Variants in LSAMP observed in about 807,000 individuals in gnomAD.
LSAMP encodes the protein limbic system associated membrane protein, also known as limbic system-associated membrane protein.
Under a neutral mutation model 38.6 loss-of-function variants are expected in LSAMP, and 7 were observed. That is an observed-to-expected ratio of 0.18 (90% CI 0.10 to 0.34). The LOEUF (loss-of-function observed/expected upper bound fraction) is 0.34. Among genes scored for constraint, LSAMP ranks in the 10% least tolerant of loss-of-function variants. The pLI is 1.00. For synonymous variants in LSAMP, 154 were observed against 166.8 expected (o/e 0.92, Z 0.59); for missense variants, 313 against 420.0 (o/e 0.75, Z 2.23).
chr3:116,057,932 T>TACACACAC (rs535645480), intron 2 of LSAMP, among the ~76,000 whole-genome samples: 1 of 136,660 alleles, frequency 7.3e-6, no homozygotes, highest in Non-Finnish European at 1.6e-5. Context: ...ATATAGTAGC[T>TACACACAC]ACACACACAC....
At chr3:116,324,421 T>C (rs530456407) in intron 1 of LSAMP, among the ~76,000 whole-genome samples, 9 of 152,292 alleles carry the variant, frequency 5.9e-5, no homozygotes, top group Admixed American at 3.3e-4. Context: ...GAAGAACTAA[T>C]TGAGGATCTA....
intron 3 of LSAMP, among the ~76,000 whole-genome samples, chr3:115,867,614 A>T (rs1935898610): frequency 3.3e-5 from 5 of 152,078 alleles, no homozygotes; most frequent in Admixed American, 6.6e-5. Flanking sequence ...GGACACAGGA[A>T]AATCACAGAA....
intron 1 of LSAMP, among the ~76,000 whole-genome samples, chr3:116,130,109 A>G (rs1442691322): frequency 6.6e-6 from 1 of 152,216 alleles, no homozygotes; most frequent in East Asian, 1.9e-4. Context: ...ATTCTGGGTA[A>G]TTGTGCTGAA....
chr3:116,367,849 A>C (rs1466147948), intron 1 of LSAMP: 2 of 151,288 alleles, frequency 1.3e-5, no homozygotes, highest in African/African-American at 2.4e-5. Flanking sequence ...CAAACGAACA[A>C]AAAAAAAACT....
rs536287516 is a variant in LSAMP at position 116,157,544 on chromosome 3, C to CA, written c.156-70989dup. On this transcript the variant is annotated intron_variant, in intron 1 of 6. Transcript: ENST00000490035. The stretch of plus-strand genomic sequence containing the variant: ...CAAAATACATGGCAAAAATATATTT[C>CA]AAAAAAAATAGAGAAGAAAACGTAA... 2.8e-3 allele frequency among the ~76,000 whole-genome samples: 429 copies of CA among 150,884 alleles called. 1 individual carries two copies. Among genetic ancestry groups the CA allele is most frequent in the African/African-American group, 9.8e-3 (404 of 41,182 alleles).
At chr3:116,109,938 T>A (rs992516172) in intron 1 of LSAMP, among the ~76,000 whole-genome samples, 1 of 147,898 alleles carries the variant, frequency 6.8e-6, no homozygotes, top group Non-Finnish European at 1.5e-5. Flanking sequence ...AAATAAGGGA[T>A]TGGGGCACAG....
intron 3 of LSAMP, among the ~76,000 whole-genome samples, chr3:115,992,786 A>C (rs1045701779): frequency 6.6e-6 from 1 of 152,100 alleles, no homozygotes; most frequent in Non-Finnish European, 1.5e-5. Context: ...GAGATGGATA[A>C]TTAAGAAGTT....
intron 1 of LSAMP, among the ~76,000 whole-genome samples, chr3:116,302,052 C>T (rs905049627): frequency 1.3e-5 from 2 of 152,138 alleles, no homozygotes; most frequent in South Asian, 4.1e-4. Flanking sequence ...TAAATCAATA[C>T]TCATTTACTG....
At chr3:115,941,365 G>A (rs1331542807) in intron 3 of LSAMP, among the ~76,000 whole-genome samples, 1 of 152,058 alleles carries the variant, frequency 6.6e-6, no homozygotes, top group East Asian at 1.9e-4. Context: ...AAACAGTATG[G>A]AAGTTTCTCA....
chr3:116,160,235 A>C (rs1709851750), intron 1 of LSAMP, among the ~76,000 whole-genome samples: 1 of 152,152 alleles, frequency 6.6e-6, no homozygotes, highest in Non-Finnish European at 1.5e-5. Flanking sequence ...CCCTGTCTCT[A>C]CCAAAAATAC....
intron 3 of LSAMP, among the ~76,000 whole-genome samples, chr3:115,883,082 G>A (rs1936363228): frequency 6.6e-6 from 1 of 151,872 alleles, no homozygotes. Context: ...GAGAACTAGG[G>A]GTCAATTCCT....
chr3:116,120,804 C>T (rs914650903), intron 1 of LSAMP, among the ~76,000 whole-genome samples: 1 of 152,206 alleles, frequency 6.6e-6, no homozygotes, highest in African/African-American at 2.4e-5. Flanking sequence ...AAGGATATCA[C>T]AGACCTTTCT....
intron 1 of LSAMP, among the ~76,000 whole-genome samples, chr3:116,306,400 T>C (rs1480051583): frequency 2.0e-5 from 3 of 152,066 alleles, no homozygotes; most frequent in Non-Finnish European, 4.4e-5. Context: ...TTCATGTCTG[T>C]ATTCTTGGCA....
In LSAMP at chr3:115,889,291, T is replaced by C. The variant is rs568074779; in HGVS notation, c.515-36674A>G. On this transcript the variant is annotated intron_variant, in intron 3 of 6. Transcript: ENST00000490035. ...AAAACTTGAAGTGGAATATCTGTAA[T>C]CTAAATGCGCTTATGCTGGGTGATG... Among the ~76,000 whole-genome samples the C allele has an allele frequency of 2.9e-3, 442 of 152,066 alleles. 7 individuals are homozygous for C. Among genetic ancestry groups the C allele is most frequent in the Admixed American group, 0.021 (315 of 15,236 alleles).
At chr3:115,975,357 C>A (rs561923723) in intron 3 of LSAMP, among the ~76,000 whole-genome samples, 1 of 152,160 alleles carries the variant, frequency 6.6e-6, no homozygotes, top group African/African-American at 2.4e-5. Context: ...ATACAGGTCT[C>A]GAACTAATGA....
At chr3:116,013,553 C>T in intron 3 of LSAMP, among the ~76,000 whole-genome samples, 1 of 152,050 alleles carries the variant, frequency 6.6e-6, no homozygotes, top group Admixed American at 6.6e-5. Flanking sequence ...ATAACTTTCT[C>T]TGTGAGTGTA....
chr3:116,133,848 T>G (rs1709187741), intron 1 of LSAMP, among the ~76,000 whole-genome samples: 1 of 152,178 alleles, frequency 6.6e-6, no homozygotes, highest in South Asian at 2.1e-4. Context: ...AAACATGATA[T>G]CCAAGGTGAG....
At chr3:116,233,678 G>GA (rs142309163) in intron 1 of LSAMP, among the ~76,000 whole-genome samples, 4,940 of 151,528 alleles carry the variant, frequency 0.033, 117 homozygotes, top group Middle Eastern at 0.068. Context: ...ATTCCCATGA[G>GA]ATTATATTTT....
intron 6 of LSAMP, among the ~76,000 whole-genome samples, chr3:115,817,093 T>C (rs1316584009): frequency 6.6e-6 from 1 of 152,224 alleles, no homozygotes. Context: ...CTTAAAACCT[T>C]CACGCTTGCT....
Sources: allele counts gnomAD v4.1 joint callset (sites outside exome capture counted in the v4.1 genomes callset), GRCh38; gene constraint gnomAD v4.1.1; transcripts MANE v1.5; gene names NCBI Gene and HGNC (gene_info 2026-07-23, HGNC 2026-07-21).